LRBA: variants seen among roughly 807,000 people sequenced by gnomAD.
LRBA encodes the protein lipopolysaccharide-responsive and beige-like anchor protein.
Under a neutral mutation model 330.0 loss-of-function variants are expected in LRBA, and 176 were observed. That is an observed-to-expected ratio of 0.53 (90% CI 0.47 to 0.60). The LOEUF (loss-of-function observed/expected upper bound fraction) is 0.60. LRBA is among the 20% of genes least tolerant of loss of function. LRBA has a pLI of 0.00. For synonymous variants in LRBA, 1,230 were observed against 1,193.0 expected (o/e 1.03, Z -0.64); for missense variants, 3,259 against 3,444.8 (o/e 0.95, Z 1.35).
intron 2 of LRBA, among the ~76,000 whole-genome samples, chr4:151,004,894 G>C (rs1184035829): frequency 2.0e-5 from 3 of 152,158 alleles, no homozygotes; most frequent in Non-Finnish European, 4.4e-5. Context: ...GGCTGAAACA[G>C]GAGAATCACT....
At chr4:150,334,245 A>C (rs1734344198) in intron 48 of LRBA, among the ~76,000 whole-genome samples, 3 of 152,136 alleles carry the variant, frequency 2.0e-5, no homozygotes, top group Admixed American at 2.0e-4. Flanking sequence ...TTTTTCAAGA[A>C]AATGGATACA....
At chr4:150,432,112 C>G (rs1750462964) in intron 46 of LRBA, among the ~76,000 whole-genome samples, 1 of 152,058 alleles carries the variant, frequency 6.6e-6, no homozygotes, top group South Asian at 2.1e-4. Context: ...AAATGTGACC[C>G]TATTCTTATT....
At position 150,896,497 on chromosome 4, in the gene LRBA, A is replaced by G. The variant is rs56116539; in HGVS notation, c.2005-41T>C. On this transcript the variant is annotated intron_variant, in intron 15 of 56. Transcript: ENST00000651943. ...ACAGGTATCTTACGTTTACATGTAA[A>G]AAAATGTTTAAAGAGAAATTATACA... is the stretch of plus-strand genomic sequence containing the variant. 1.3e-3 allele frequency: 1,374 copies of G among 1,026,072 alleles called. 4 individuals carry two copies. Among genetic ancestry groups the G allele is most frequent in the Non-Finnish European group, 1.6e-3 (1,078 of 678,822 alleles). The allele number at this position is 1,026,072 out of a possible 1,614,324, so 63.6% of individuals were successfully genotyped here. A position where few individuals can be genotyped will look rare whatever the true frequency, so the allele number is the denominator to read the frequency against.
At chr4:150,497,076 T>C (rs140856060) in intron 40 of LRBA, among the ~76,000 whole-genome samples, 11 of 152,280 alleles carry the variant, frequency 7.2e-5, no homozygotes, top group African/African-American at 2.6e-4. Context: ...AATAAATATA[T>C]GTGCAAATGT....
intron 44 of LRBA, among the ~76,000 whole-genome samples, chr4:150,446,394 A>G (rs1017202447): frequency 5.9e-5 from 9 of 152,252 alleles, no homozygotes; most frequent in Non-Finnish European, 2.9e-5. Flanking sequence ...TAATGATTCC[A>G]TAAGTGCAAC....
chr4:150,694,475 A>AAAAAAAAAAAAAAAAAAAAT (rs1784441996), intron 36 of LRBA, among the ~76,000 whole-genome samples: 1 of 150,244 alleles, frequency 6.7e-6, no homozygotes, highest in Non-Finnish European at 1.5e-5. Context: ...AAAAAAAAAA[A>AAAAAAAAAAAAAAAAAAAAT]AGCTATCTAC....
intron 31 of LRBA, among the ~76,000 whole-genome samples, chr4:150,811,832 TG>T: frequency 6.6e-6 from 1 of 152,270 alleles, no homozygotes; most frequent in Non-Finnish European, 1.5e-5. Flanking sequence ...CTAATTTTAA[TG>T]AGAAATGCAT....
Position 150,265,594 on chromosome 4 carries a change from T to C in LRBA, c.*128A>G. 1.6e-6 allele frequency: 1 copy of C among 636,836 alleles called. No homozygotes were observed. The highest frequency in any genetic ancestry group is 2.8e-6 in the Non-Finnish European group (1 of 353,556). 39.4% of individuals were successfully genotyped at this position (636,836 alleles called of 1,614,324 possible). On this transcript the variant is annotated 3_prime_UTR_variant, in exon 57 of 57. Coordinates refer to ENST00000651943, the MANE Select transcript of LRBA (RefSeq NM_001364905.1). ...GCAAAGACTACAAAAATAGCAATTATTAATAACTTTAAAAAATATTTTGCT... is the reference window on the plus strand; with the variant it reads ...GCAAAGACTACAAAAATAGCAATTACTAATAACTTTAAAAAATATTTTGCT...
chr4:150,969,074 GA>G lies in LRBA; in HGVS notation c.217-40010del, dbSNP rs1212245292. ...GCCAACTGTTGAGACTCACTGCTCG[GA>G]AAAAAAGATTTCCTTTCAAAATATT... On this transcript the variant is annotated intron_variant, in intron 2 of 56. Transcript: ENST00000651943. Among the ~76,000 whole-genome samples, 11 of 152,126 alleles carry G rather than the reference GA, an allele frequency of 7.2e-5. No homozygotes were observed. In the East Asian group the frequency reaches 2.1e-3, roughly 29 times the overall value.
At chr4:150,636,831 A>C (rs1299116075) in intron 37 of LRBA, among the ~76,000 whole-genome samples, 3 of 152,100 alleles carry the variant, frequency 2.0e-5, no homozygotes, top group Non-Finnish European at 4.4e-5. Flanking sequence ...AATTTTGTAT[A>C]AAGATGAAGT....
intron 41 of LRBA, among the ~76,000 whole-genome samples, chr4:150,489,096 TACA>T (rs1561249219): frequency 0.01 from 375 of 37,154 alleles, 2 homozygotes; most frequent in African/African-American, 0.017. Flanking sequence ...TATAAGAATA[TACA>T]ATATATTATA....
chr4:150,928,774 A>G (rs1386806522), intron 3 of LRBA, 60 bp downstream of exon 3: 1 of 1,428,678 alleles, frequency 7.0e-7, no homozygotes, highest in Non-Finnish European at 9.7e-7. Flanking sequence ...TAAGAAAAAT[A>G]TGTATTTGAA....
At chr4:150,578,333 CTTATT>C (rs1271921883) in intron 40 of LRBA, among the ~76,000 whole-genome samples, 3 of 152,096 alleles carry the variant, frequency 2.0e-5, no homozygotes, top group Admixed American at 6.6e-5. Context: ...AACTCATCAC[CTTATT>C]TTAACACCAA....
At position 150,317,285 on chromosome 4, in the gene LRBA, G is replaced by A. The variant is rs111848738; in HGVS notation, c.7631-1662C>T. Among the ~76,000 whole-genome samples the A allele has an allele frequency of 5.0e-3, 756 of 152,098 alleles. 6 individuals are homozygous for A. The highest frequency in any genetic ancestry group is 0.017 in the African/African-American group (724 of 41,494). ...GAAATCTATCTGTCTTTGAGGGGCT[G>A]AAAATAAATATGGGGTACATTTCAA... On this transcript the variant is annotated intron_variant, in intron 50 of 56. Transcript: ENST00000651943.
intron 30 of LRBA, among the ~76,000 whole-genome samples, chr4:150,822,772 A>AATAG: frequency 6.6e-6 from 1 of 152,070 alleles, no homozygotes; most frequent in Admixed American, 6.6e-5. Context: ...TAAATAAATA[A>AATAG]AAATTGAAGC....
At chr4:150,554,484 T>C (rs980433166) in intron 40 of LRBA, among the ~76,000 whole-genome samples, 8 of 152,158 alleles carry the variant, frequency 5.3e-5, no homozygotes, top group African/African-American at 1.7e-4. Flanking sequence ...ATTTTGCTTA[T>C]TATCTGTAAG....
chr4:150,929,460 C>G (rs527262225), intron 2 of LRBA, among the ~76,000 whole-genome samples: 1 of 152,118 alleles, frequency 6.6e-6, no homozygotes, highest in Admixed American at 6.5e-5. Context: ...TATGAGCTCA[C>G]GGTAAAACTG....
At chr4:150,579,928 G>T (rs1771058688) in intron 40 of LRBA, 1 of 334,156 alleles carries the variant, frequency 3.0e-6, no homozygotes, top group African/African-American at 2.2e-5. Context: ...CCCGCCACCA[G>T]TCTCCGCCCA....
chr4:150,688,875 T>G (rs1783859440), intron 36 of LRBA, among the ~76,000 whole-genome samples: 1 of 152,210 alleles, frequency 6.6e-6, no homozygotes, highest in Non-Finnish European at 1.5e-5. Flanking sequence ...AGTTCAAGTA[T>G]TCAAGTATTG....
Sources: gnomAD v4.1 joint callset for allele counts (sites outside exome capture counted in the v4.1 genomes callset) on GRCh38, gnomAD v4.1.1 for gene constraint, MANE v1.5 for transcripts, NCBI Gene and HGNC (gene_info 2026-07-23, HGNC 2026-07-21) for gene names.